PLA2G4C: variants seen among roughly 807,000 people sequenced by gnomAD.
PLA2G4C encodes cytosolic phospholipase A2 gamma.
PLA2G4C carries 64 observed loss-of-function variants against 73.8 expected under a neutral mutation model. The ratio of observed to expected loss-of-function variants is 0.87; its 90% CI spans 0.71 to 1.07. The LOEUF (loss-of-function observed/expected upper bound fraction) is 1.07, where lower values mean the gene tolerates loss of function less well. PLA2G4C is among the 50% of genes least tolerant of loss of function. The pLI is 0.00. For missense variants in PLA2G4C, 622 were observed against 665.4 expected (o/e 0.93, Z 0.72); for synonymous variants, 254 against 252.1 (o/e 1.01, Z -0.07).
In PLA2G4C at chr19:48,051,261, T is replaced by G. The variant is rs149415930; in HGVS notation, c.1580+1736A>C. ...CGCAGGAGTTGGCCCTGCTAACGCT[T>G]TGGGTTTTGCTCCATAACACTCGTT... On this transcript the variant is annotated intron_variant, in intron 16 of 16. Transcript: ENST00000599921. Among the ~76,000 whole-genome samples the G allele has an allele frequency of 8.5e-5, 13 of 152,230 alleles. No homozygotes were observed. The East Asian group carries it at 2.5e-3, about 29-fold the overall frequency.
chr19:48,099,772 A>G lies in PLA2G4C; in HGVS notation c.346T>C (p.Leu116=). 1 of 1,614,042 alleles carries G rather than the reference A, an allele frequency of 6.2e-7. No individual in the cohort carries two copies. Among genetic ancestry groups the G allele is most frequent in the Non-Finnish European group, 8.5e-7 (1 of 1,179,886 alleles). The change falls in exon 5 of 17, where the codon TTG becomes CTG. Residue 116 remains leucine (L), a synonymous_variant. Transcript: ENST00000599921. ...ATGGTTTTCTGTAGGCTCTTAGCCA[A>G]GTCCCACTCCTGTCGGGTAAATCGA... ...KHRFTRQEWD[L]AKSLQKTIQA...
At chr19:48,078,132 T>G (rs2081949) in intron 10 of PLA2G4C, among the ~76,000 whole-genome samples, 2 of 151,948 alleles carry the variant, frequency 1.3e-5, no homozygotes, top group Admixed American at 6.6e-5. Context: ...ACAAAAATCA[T>G]AGGAGATGCA....
At chr19:48,068,472 C>T (rs1968532892) in intron 12 of PLA2G4C, among the ~76,000 whole-genome samples, 1 of 151,822 alleles carries the variant, frequency 6.6e-6, no homozygotes, top group South Asian at 2.1e-4. Flanking sequence ...TGCTTGAGCC[C>T]AGAAGTTTGA....
chr19:48,107,944 T>G (rs1425093549), intron 1 of PLA2G4C, among the ~76,000 whole-genome samples: 1 of 152,198 alleles, frequency 6.6e-6, no homozygotes, highest in Non-Finnish European at 1.5e-5. Flanking sequence ...AGTGGACACG[T>G]GACTCACATG....
chr19:48,068,293 G>C (rs1234279383), intron 12 of PLA2G4C, among the ~76,000 whole-genome samples: 1 of 119,126 alleles, frequency 8.4e-6, no homozygotes, highest in African/African-American at 3.6e-5. Flanking sequence ...GACGGAGCGA[G>C]ACTCCATCTC....
intron 12 of PLA2G4C, among the ~76,000 whole-genome samples, chr19:48,070,590 GCAGGGA>G (rs1296271594): frequency 1.3e-5 from 2 of 152,216 alleles, no homozygotes; most frequent in Non-Finnish European, 2.9e-5. Context: ...CATGTCCTTT[GCAGGGA>G]CAGGGATGGA....
At chr19:48,109,840 G>A (rs1203899658) in intron 1 of PLA2G4C, among the ~76,000 whole-genome samples, 1 of 151,610 alleles carries the variant, frequency 6.6e-6, no homozygotes, top group African/African-American at 2.4e-5. Flanking sequence ...TAGTTGAGAC[G>A]GGGTTTCACT....
At chr19:48,106,639 T>C in intron 1 of PLA2G4C, 78 bp from the exon 2 acceptor site, 1 of 1,134,888 alleles carries the variant, frequency 8.8e-7, no homozygotes, top group Non-Finnish European at 1.3e-6. Flanking sequence ...GCTGGGACTG[T>C]CACGGGCTCA....
In PLA2G4C at chr19:48,085,115, G is replaced by C; in HGVS notation, c.791-3C>G. 1 of 1,606,186 alleles carries C rather than the reference G, an allele frequency of 6.2e-7. No homozygotes were observed. ...AGCAACAGCCCTTCTCCATAAACCT[G>C]CCAAGAAAATAGCAATAAAATTCAA... On this transcript the variant is annotated splice_polypyrimidine_tract_variant and splice_region_variant and intron_variant, in intron 9 of 16. Coordinates refer to ENST00000599921, the MANE Select transcript of PLA2G4C (RefSeq NM_003706.3).
intron 10 of PLA2G4C, among the ~76,000 whole-genome samples, chr19:48,080,546 C>A (rs896023073): frequency 9.2e-5 from 14 of 152,074 alleles, no homozygotes; most frequent in Admixed American, 2.0e-4. Context: ...CAGTGGCTCA[C>A]GCCTGTAATC....
rs35118449 is a variant in PLA2G4C at position 48,091,883 on chromosome 19, C to CAAAAAA, written c.710-1472_710-1467dup. Among the ~76,000 whole-genome samples the CAAAAAA allele has an allele frequency of 2.8e-4, 6 of 21,104 alleles. 1 individual carries two copies. The highest frequency in any genetic ancestry group is 7.6e-4 in the Admixed American group (1 of 1,318). 13.8% of individuals were successfully genotyped at this position (21,104 alleles called of 152,430 possible). A position where few individuals can be genotyped will look rare whatever the true frequency, so the allele number is the denominator to read the frequency against. On this transcript the variant is annotated intron_variant, in intron 7 of 16. Transcript: ENST00000599921. ...TGGGAGACAGAGTGAGACTCCATCTCAAAAAAAAAAAAAAAAAAAAAAAAA... is the reference window on the plus strand; with the variant it reads ...TGGGAGACAGAGTGAGACTCCATCTCAAAAAAAAAAAAAAAAAAAAAAAAAAAAAAA...
rs541983971 is a variant in PLA2G4C, at chr19:48,054,671, C to T, written c.1429+207G>A. 1.2e-3 allele frequency among the ~76,000 whole-genome samples: 183 copies of T among 152,288 alleles called. 1 individual carries two copies. Among genetic ancestry groups the T allele is most frequent in the Non-Finnish European group, 2.0e-3 (136 of 68,024 alleles). On this transcript the variant is annotated intron_variant, in intron 15 of 16. Coordinates refer to ENST00000599921, the MANE Select transcript of PLA2G4C (RefSeq NM_003706.3). ...GCCCTGCTGGCACTCACTTCTCCTT[C>T]CTGCCGCCTTGTGAAGAAGGTGACT... is the stretch of plus-strand genomic sequence containing the variant.
Position 48,052,912 on chromosome 19 carries a change from C to T in PLA2G4C, c.1580+85G>A, listed in dbSNP as rs941221922. The T allele has an allele frequency of 9.1e-6, 13 of 1,422,836 alleles. No individual in the cohort carries two copies. The African/African-American group carries it at 1.1e-4, about 12-fold the overall frequency. The allele number at this position is 1,422,836 out of a possible 1,614,324, so 88.1% of individuals were successfully genotyped here. A position where few individuals can be genotyped will look rare whatever the true frequency, so the allele number is the denominator to read the frequency against. On this transcript the variant is annotated intron_variant, in intron 16 of 16. Transcript: ENST00000599921. ...GCCTATCTTTTTTCACCCATGCAAC[C>T]CTCCTGCCTGTTGCAGAGAAAGTTC...
intron 16 of PLA2G4C, among the ~76,000 whole-genome samples, chr19:48,051,450 T>C (rs951622481): frequency 1.3e-5 from 2 of 152,202 alleles, no homozygotes; most frequent in Admixed American, 6.5e-5. Context: ...AAAGTAGTTG[T>C]GGTTTTTGCC....
Position 48,053,029 on chromosome 19 carries a change from C to T in PLA2G4C, c.1548G>A (p.Lys516=). The T allele has an allele frequency of 4.3e-6, 7 of 1,613,458 alleles. No homozygotes were observed. Among genetic ancestry groups the T allele is most frequent in the Non-Finnish European group, 5.1e-6 (6 of 1,179,504 alleles). ...CGTTCATCAACTCTCTAAGGATCTT[C>T]TTCTTGTTTTCCCTGACATTCTTCT... ...LAKKNVRENK[K]KILRELMNVA... is the part of the protein sequence containing the mutation. Residue 516 remains lysine, a synonymous_variant, in exon 16 of 17, where the codon AAG becomes AAA. Coordinates refer to ENST00000599921, the MANE Select transcript of PLA2G4C (RefSeq NM_003706.3).
At chr19:48,080,203 T>C (rs886762497) in intron 10 of PLA2G4C, among the ~76,000 whole-genome samples, 2 of 151,518 alleles carry the variant, frequency 1.3e-5, no homozygotes, top group Non-Finnish European at 2.9e-5. Flanking sequence ...GATATTCCAG[T>C]GGCCAAGAAA....
At chr19:48,062,673 G>T (rs946340352) in intron 13 of PLA2G4C, among the ~76,000 whole-genome samples, 5 of 152,190 alleles carry the variant, frequency 3.3e-5, no homozygotes, top group African/African-American at 1.2e-4. Context: ...ACCTCAGAAT[G>T]TGACTGTATT....
intron 3 of PLA2G4C, 69 bp from the exon 4 acceptor site, chr19:48,104,793 G>A (rs1451484722): frequency 4.2e-5 from 64 of 1,524,932 alleles, no homozygotes; most frequent in Non-Finnish European, 5.4e-5. Context: ...AAGAAGAAGG[G>A]TACCTGGGGC....
At chr19:48,095,261 T>C (rs151234079) in intron 7 of PLA2G4C, among the ~76,000 whole-genome samples, 50 of 152,224 alleles carry the variant, frequency 3.3e-4, no homozygotes, top group African/African-American at 1.2e-3. Flanking sequence ...GGATATCAGG[T>C]ATCTGCCGCA....
Sources: allele counts gnomAD v4.1 joint callset (sites outside exome capture counted in the v4.1 genomes callset), GRCh38; gene constraint gnomAD v4.1.1; transcripts MANE v1.5; gene names NCBI Gene and HGNC (gene_info 2026-07-23, HGNC 2026-07-21).